PSMA1: variants seen among roughly 807,000 people sequenced by gnomAD.
PSMA1 encodes proteasome subunit alpha type-1.
A neutral mutation model predicts 38.4 loss-of-function variants in PSMA1; 3 were observed. That is an observed-to-expected ratio of 0.08 (90% CI 0.04 to 0.20). The LOEUF is 0.20. Ranked by LOEUF, PSMA1 falls within the 10% of genes least tolerant of loss-of-function variation. The pLI is 1.00. For missense variants in PSMA1, 227 were observed against 325.3 expected (o/e 0.70, Z 2.32); for synonymous variants, 101 against 107.1 (o/e 0.94, Z 0.35).
At chr11:14,506,407 A>T (rs1851245751) in intron 9 of PSMA1, among the ~76,000 whole-genome samples, 1 of 152,222 alleles carries the variant, frequency 6.6e-6, no homozygotes, top group Non-Finnish European at 1.5e-5. Context: ...TACCAAAAAC[A>T]GTTTAAATAT....
chr11:14,607,184 G>T (rs1381336588), intron 2 of PSMA1, among the ~76,000 whole-genome samples: 1 of 152,210 alleles, frequency 6.6e-6, no homozygotes, highest in Non-Finnish European at 1.5e-5. Context: ...TGCCAGTGAA[G>T]CTCTTTCCAC....
intron 2 of PSMA1, among the ~76,000 whole-genome samples, chr11:14,570,189 G>A (rs532398978): frequency 1.3e-4 from 20 of 151,580 alleles, no homozygotes; most frequent in Admixed American, 7.9e-4. Context: ...AAGGACATCC[G>A]TACCAAAACC....
chr11:14,518,781 G>A (rs2134150839), intron 2 of PSMA1, among the ~76,000 whole-genome samples: 1 of 152,198 alleles, frequency 6.6e-6, no homozygotes, highest in East Asian at 1.9e-4. Context: ...ATAAGTGAGA[G>A]CATGAAACAT....
intron 2 of PSMA1, among the ~76,000 whole-genome samples, chr11:14,532,869 G>C (rs1851663608): frequency 6.6e-6 from 1 of 151,548 alleles, no homozygotes; most frequent in Non-Finnish European, 1.5e-5. Flanking sequence ...TCCAGCCTGG[G>C]TGACAGAGCA....
At chr11:14,505,823 A>G (rs1211664943) in intron 9 of PSMA1, among the ~76,000 whole-genome samples, 1 of 152,068 alleles carries the variant, frequency 6.6e-6, no homozygotes, top group African/African-American at 2.4e-5. Context: ...TGGGCAACAC[A>G]GTGAGATCCC....
In PSMA1 at chr11:14,548,176, C is replaced by CT. The variant is rs562616120; in HGVS notation, c.22-29136dup. Among the ~76,000 whole-genome samples the CT allele has an allele frequency of 1.2e-3, 185 of 152,196 alleles. 1 individual carries two copies. The highest frequency in any genetic ancestry group is 4.3e-3 in the African/African-American group (178 of 41,520). ...TTTATAACATACCTACTAAGTGCTA[C>CT]TTTTTTTCTATTTATTTATTTTTTA... is the stretch of plus-strand genomic sequence containing the variant. On this transcript the variant is annotated intron_variant, in intron 2 of 10. Transcript: ENST00000418988.
At chr11:14,573,463 G>T (rs368251795) in intron 2 of PSMA1, among the ~76,000 whole-genome samples, 1 of 151,978 alleles carries the variant, frequency 6.6e-6, no homozygotes, top group East Asian at 1.9e-4. Context: ...AATTCAACAG[G>T]CCTTCATGCT....
chr11:14,620,948 G>A (rs1852836394), intron 1 of PSMA1, among the ~76,000 whole-genome samples: 1 of 152,128 alleles, frequency 6.6e-6, no homozygotes, highest in South Asian at 2.1e-4. Context: ...GCAGCTTTAA[G>A]GCCTCTCAAA....
At chr11:14,555,726 C>A (rs1182716969) in intron 2 of PSMA1, among the ~76,000 whole-genome samples, 16 of 152,134 alleles carry the variant, frequency 1.1e-4, no homozygotes, top group Admixed American at 9.2e-4. Flanking sequence ...CCAACATAAA[C>A]CCTTCACCTA....
intron 1 of PSMA1, among the ~76,000 whole-genome samples, chr11:14,629,194 G>C (rs1164835728): frequency 6.6e-6 from 1 of 152,074 alleles, no homozygotes; most frequent in Non-Finnish European, 1.5e-5. Context: ...TGTCAATTTT[G>C]GCTTCTGTTG....
At chr11:14,571,123 C>A (rs185590152) in intron 2 of PSMA1, among the ~76,000 whole-genome samples, 2 of 152,290 alleles carry the variant, frequency 1.3e-5, no homozygotes, top group East Asian at 3.9e-4. Context: ...AGTGTACTGG[C>A]GAGATCGCGG....
intron 2 of PSMA1, among the ~76,000 whole-genome samples, chr11:14,610,179 C>T (rs777069336): frequency 7.2e-5 from 11 of 152,198 alleles, no homozygotes; most frequent in Non-Finnish European, 1.3e-4. Context: ...TGCAACACCT[C>T]TGGGTTCTAC....
intron 2 of PSMA1, among the ~76,000 whole-genome samples, chr11:14,540,605 A>G (rs1386199434): frequency 2.6e-5 from 4 of 152,208 alleles, no homozygotes; most frequent in African/African-American, 4.8e-5. Flanking sequence ...TCCTATCAGA[A>G]AGGAAATGTG....
At chr11:14,570,722 A>C (rs893120046) in intron 2 of PSMA1, among the ~76,000 whole-genome samples, 1 of 152,218 alleles carries the variant, frequency 6.6e-6, no homozygotes. Context: ...CCAAATCTAC[A>C]TCTGATTGGT....
At chr11:14,614,831 T>C (rs532380064) in intron 1 of PSMA1, among the ~76,000 whole-genome samples, 1 of 152,224 alleles carries the variant, frequency 6.6e-6, no homozygotes, top group Admixed American at 6.5e-5. Flanking sequence ...TTCCTGCCTT[T>C]AGTCTTTCAG....
intron 1 of PSMA1, among the ~76,000 whole-genome samples, chr11:14,638,524 T>G (rs11023289): frequency 8.0e-5 from 2 of 24,876 alleles, no homozygotes; most frequent in African/African-American, 1.7e-4. Flanking sequence ...TCTCTCTCTC[T>G]CTCTCTCTCT....
At chr11:14,539,479 A>G (rs1211389628) in intron 2 of PSMA1, among the ~76,000 whole-genome samples, 4 of 151,824 alleles carry the variant, frequency 2.6e-5, no homozygotes, top group Admixed American at 2.0e-4. Context: ...AAAGCTCTTA[A>G]AGGAAAAAAA....
At chr11:14,621,939 C>G (rs11023281) in intron 1 of PSMA1, among the ~76,000 whole-genome samples, 1 of 152,172 alleles carries the variant, frequency 6.6e-6, no homozygotes, top group Non-Finnish European at 1.5e-5. Flanking sequence ...CATTTAGTAA[C>G]TCATTTAATC....
At chr11:14,586,719 T>C (rs552832822) in intron 2 of PSMA1, among the ~76,000 whole-genome samples, 5 of 152,202 alleles carry the variant, frequency 3.3e-5, no homozygotes, top group Non-Finnish European at 5.9e-5. Context: ...CACCGAAGAA[T>C]CTCTCCCTTG....
Sources: allele counts gnomAD v4.1 joint callset (sites outside exome capture counted in the v4.1 genomes callset), GRCh38; gene constraint gnomAD v4.1.1; transcripts MANE v1.5; gene names NCBI Gene and HGNC (gene_info 2026-07-23, HGNC 2026-07-21).